SUCLG2: variants seen among roughly 807,000 people sequenced by gnomAD.
SUCLG2 encodes succinate-CoA ligase GDP-forming subunit beta.
SUCLG2 carries 42 observed loss-of-function variants against 47.9 expected under a neutral mutation model. The observed-to-expected ratio is 0.88, with a 90% CI of 0.69 to 1.14. SUCLG2 has a LOEUF of 1.14. Ranked by LOEUF, SUCLG2 falls within the 50% of genes most tolerant of loss-of-function variation. The pLI is 0.00. For missense variants in SUCLG2, 571 were observed against 525.9 expected (o/e 1.09, Z -0.84); for synonymous variants, 195 against 197.3 (o/e 0.99, Z 0.10).
At chr3:67,514,049 TG>T in intron 6 of SUCLG2, 1 of 355,450 alleles carries the variant, frequency 2.8e-6, no homozygotes. Context: ...GCCGAGCGGT[TG>T]GCCATAAGAG....
intron 10 of SUCLG2, among the ~76,000 whole-genome samples, chr3:67,364,531 G>A (rs1435750634): frequency 6.6e-6 from 1 of 152,258 alleles, no homozygotes. Flanking sequence ...AAGCCTAGGG[G>A]ATTCAGTCAG....
intron 2 of SUCLG2, 141 bp downstream of exon 2, chr3:67,609,314 T>G (rs1002872524): frequency 1.8e-4 from 165 of 905,722 alleles, no homozygotes; most frequent in Non-Finnish European, 3.8e-5. Context: ...TGGACTTTTT[T>G]GCTTTTGCAG....
rs865864058 is a variant in SUCLG2 at position 67,444,339 on chromosome 3, G to A, written c.1063-43488C>T. On this transcript the variant is annotated intron_variant, in intron 9 of 10. Transcript: ENST00000307227. ...CGCCCCGTCTGGGAGGGAGGTGGGG[G>A]GGTTAGCCCCCCGCCTGGCCAGCCG... Among the ~76,000 whole-genome samples, 609 of 75,202 alleles carry A rather than the reference G, an allele frequency of 8.1e-3. 15 individuals are homozygous for A. The highest frequency in any genetic ancestry group is 0.033 in the African/African-American group (573 of 17,110). 49.3% of individuals were successfully genotyped at this position (75,202 alleles called of 152,430 possible).
rs1337939199 is a variant in SUCLG2, at chr3:67,395,489, T to C, written c.1183+5242A>G. ...AAGAACTAACTATCCTAAATATATA[T>C]GCACCCAATACAGGAGCACCCAGAT... On this transcript the variant is annotated intron_variant, in intron 10 of 10. Transcript: ENST00000307227. Among the ~76,000 whole-genome samples the C allele has an allele frequency of 3.3e-5, 5 of 152,154 alleles. 1 individual carries two copies. The highest frequency in any genetic ancestry group is 2.6e-4 in the Admixed American group (4 of 15,280).
chr3:67,643,516 A>G (rs888791973), intron 1 of SUCLG2, among the ~76,000 whole-genome samples: 6 of 152,216 alleles, frequency 3.9e-5, no homozygotes, highest in Admixed American at 3.9e-4. Flanking sequence ...AGGCTGTATA[A>G]TTAACTTCTT....
chr3:67,638,707 G>A (rs1216135728), intron 1 of SUCLG2, among the ~76,000 whole-genome samples: 3 of 152,216 alleles, frequency 2.0e-5, no homozygotes, highest in Admixed American at 6.5e-5. Flanking sequence ...AAGAAATCAC[G>A]TAGACTTGGG....
chr3:67,500,745 T>C (rs1381511754), intron 7 of SUCLG2, among the ~76,000 whole-genome samples: 3 of 152,236 alleles, frequency 2.0e-5, no homozygotes, highest in Admixed American at 1.3e-4. Context: ...AGACTACTTA[T>C]AACTGACACC....
chr3:67,442,012 C>CCTT (rs1703776897), intron 9 of SUCLG2, among the ~76,000 whole-genome samples: 1 of 140,016 alleles, frequency 7.1e-6, no homozygotes, highest in Admixed American at 7.2e-5. Context: ...TACTTTCTTT[C>CCTT]TTTTTTTTTT....
chr3:67,592,743 A>AAAAAAAAAAAAAAAAAAC (rs1559587055), intron 2 of SUCLG2, among the ~76,000 whole-genome samples: 9 of 148,590 alleles, frequency 6.1e-5, no homozygotes, highest in African/African-American at 2.0e-4. Flanking sequence ...AAAACAACAA[A>AAAAAAAAAAAAAAAAAAC]AAAAAACTGA....
At chr3:67,361,688 C>T (rs1476538294) in intron 10 of SUCLG2, among the ~76,000 whole-genome samples, 2 of 152,218 alleles carry the variant, frequency 1.3e-5, no homozygotes, top group African/African-American at 4.8e-5. Flanking sequence ...ATTCTTCATC[C>T]TTTCCTGTAT....
chr3:67,651,424 C>G (rs1170005206), intron 1 of SUCLG2, among the ~76,000 whole-genome samples: 1 of 152,216 alleles, frequency 6.6e-6, no homozygotes, highest in East Asian at 1.9e-4. Flanking sequence ...TTAGTCTCAC[C>G]TAGCTGGCTA....
intron 9 of SUCLG2, among the ~76,000 whole-genome samples, chr3:67,407,526 T>C: frequency 6.6e-6 from 1 of 152,172 alleles, no homozygotes; most frequent in East Asian, 1.9e-4. Flanking sequence ...CTGACATTGG[T>C]TGGAAGTGAA....
intron 9 of SUCLG2, among the ~76,000 whole-genome samples, chr3:67,460,019 C>T (rs1267803460): frequency 6.6e-6 from 1 of 152,046 alleles, no homozygotes; most frequent in African/African-American, 2.4e-5. Flanking sequence ...ATATCACTGG[C>T]CAGAAAGCAG....
At position 67,401,553 on chromosome 3, in the gene SUCLG2, C is replaced by T. The variant is rs1702683430; in HGVS notation, c.1063-702G>A. On this transcript the variant is annotated intron_variant, in intron 9 of 10. Coordinates refer to ENST00000307227, the MANE Select transcript of SUCLG2 (RefSeq NM_003848.4). Reference sequence around the variant, plus strand: ...TCATGTTAACTTGTTTGTACATATTCCATATTCAAAGGCATGTGGGCCAAA... The same window carrying T: ...TCATGTTAACTTGTTTGTACATATTTCATATTCAAAGGCATGTGGGCCAAA... Among the ~76,000 whole-genome samples, 6 of 147,892 alleles carry T rather than the reference C, an allele frequency of 4.1e-5. No individual in the cohort carries two copies. The South Asian group carries it at 1.3e-3, about 32-fold the overall frequency.
chr3:67,441,411 T>C (rs1300400503), intron 9 of SUCLG2, among the ~76,000 whole-genome samples: 4 of 152,052 alleles, frequency 2.6e-5, no homozygotes, highest in East Asian at 1.9e-4. Flanking sequence ...TTGAGTCTCC[T>C]GTCTTGTCAT....
chr3:67,546,579 A>T (rs1325809485), intron 2 of SUCLG2, among the ~76,000 whole-genome samples: 2 of 152,218 alleles, frequency 1.3e-5, no homozygotes, highest in African/African-American at 2.4e-5. Flanking sequence ...TACTAAAAAT[A>T]CAAAAATTAG....
intron 9 of SUCLG2, among the ~76,000 whole-genome samples, chr3:67,421,874 A>G (rs1703166817): frequency 6.6e-6 from 1 of 152,212 alleles, no homozygotes; most frequent in Non-Finnish European, 1.5e-5. Flanking sequence ...GGACTAGAAA[A>G]ATAATTAAAA....
intron 8 of SUCLG2, 63 bp from the exon 9 acceptor site, chr3:67,496,003 AT>A (rs1470937950): frequency 6.3e-7 from 1 of 1,597,318 alleles, no homozygotes; most frequent in Non-Finnish European, 8.6e-7. Context: ...GTCCATAAAC[AT>A]TTTCCCTCCC....
chr3:67,638,762 G>A (rs778304876), intron 1 of SUCLG2, among the ~76,000 whole-genome samples: 1 of 152,206 alleles, frequency 6.6e-6, no homozygotes, highest in East Asian at 1.9e-4. Flanking sequence ...TCACTAAGCA[G>A]TAACCCAATT....
Sources: gnomAD v4.1 joint callset for allele counts (sites outside exome capture counted in the v4.1 genomes callset) on GRCh38, gnomAD v4.1.1 for gene constraint, MANE v1.5 for transcripts, NCBI Gene and HGNC (gene_info 2026-07-23, HGNC 2026-07-21) for gene names.